The following LRP1B variants were observed in gnomAD, a reference collection of about 807,000 sequenced individuals.
LRP1B encodes the protein low-density lipoprotein receptor-related protein 1B.
LRP1B carries 217 observed loss-of-function variants against 556.6 expected under a neutral mutation model. The ratio of observed to expected loss-of-function variants is 0.39; its 90% CI spans 0.35 to 0.44. The LOEUF (loss-of-function observed/expected upper bound fraction) is 0.44. Ranked by LOEUF, LRP1B falls within the 20% of genes least tolerant of loss-of-function variation. The pLI is 1.00. For synonymous variants in LRP1B, 2,047 were observed against 1,865.8 expected (o/e 1.10, Z -2.50); for missense variants, 5,053 against 5,620.8 (o/e 0.90, Z 3.23).
chr2:140,431,045 T>C (rs1043664227), intron 66 of LRP1B, among the ~76,000 whole-genome samples: 2 of 152,178 alleles, frequency 1.3e-5, no homozygotes, highest in Non-Finnish European at 2.9e-5. Context: ...TTTCTTCCCT[T>C]CTGTCAGATA....
At chr2:140,732,533 G>A (rs2105502117) in intron 35 of LRP1B, among the ~76,000 whole-genome samples, 1 of 152,186 alleles carries the variant, frequency 6.6e-6, no homozygotes, top group East Asian at 1.9e-4. Flanking sequence ...GTATATATTA[G>A]AATTAATAAT....
At chr2:140,250,046 T>A (rs1025902220) in intron 86 of LRP1B, among the ~76,000 whole-genome samples, 2 of 151,884 alleles carry the variant, frequency 1.3e-5, no homozygotes, top group Non-Finnish European at 2.9e-5. Context: ...GTGCTGGTCA[T>A]CTTTAATCTG....
chr2:141,295,770 C>CACACACACACACACACACACAT (rs1159483173), intron 3 of LRP1B, among the ~76,000 whole-genome samples: 2 of 150,888 alleles, frequency 1.3e-5, no homozygotes, highest in East Asian at 3.9e-4. Flanking sequence ...CACACACACA[C>CACACACACACACACACACACAT]ACACACACAC....
chr2:141,028,475 T>G (rs1157002948), intron 11 of LRP1B, among the ~76,000 whole-genome samples: 1 of 151,980 alleles, frequency 6.6e-6, no homozygotes, highest in African/African-American at 2.4e-5. Context: ...AATCTAAAAT[T>G]TTTTATTAAA....
intron 82 of LRP1B, among the ~76,000 whole-genome samples, chr2:140,321,474 TAATAGC>T (rs1377394839): frequency 2.6e-5 from 4 of 151,992 alleles, no homozygotes; most frequent in African/African-American, 9.7e-5. Context: ...TTCTTTGTGG[TAATAGC>T]AGTAGTAGTA....
intron 23 of LRP1B, among the ~76,000 whole-genome samples, chr2:140,888,890 G>A (rs576337018): frequency 2.1e-4 from 31 of 150,346 alleles, no homozygotes; most frequent in Non-Finnish European, 3.7e-4. Flanking sequence ...TTGAACCTGG[G>A]AGGCAGAGGT....
intron 41 of LRP1B, among the ~76,000 whole-genome samples, chr2:140,616,564 G>A (rs1424065495): frequency 6.7e-6 from 1 of 149,370 alleles, no homozygotes; most frequent in Non-Finnish European, 1.5e-5. Flanking sequence ...GAGTCCATTT[G>A]GTACTGCACA....
intron 32 of LRP1B, among the ~76,000 whole-genome samples, chr2:140,803,883 C>CCCCAAAAAAAAA (rs1553536909): frequency 7.3e-6 from 1 of 136,630 alleles, no homozygotes; most frequent in Non-Finnish European, 1.6e-5. Context: ...CCAACCCCCC[C>CCCCAAAAAAAAA]AAAAAAAAGA....
chr2:141,079,930 T>C (rs1338332865), intron 7 of LRP1B, among the ~76,000 whole-genome samples: 1 of 152,254 alleles, frequency 6.6e-6, no homozygotes, highest in Non-Finnish European at 1.5e-5. Context: ...ATATAAATCA[T>C]GTCCAATTTT....
chr2:140,571,611 T>A (rs1482529042), intron 43 of LRP1B, among the ~76,000 whole-genome samples: 1 of 111,620 alleles, frequency 9.0e-6, no homozygotes, highest in Non-Finnish European at 1.8e-5. Flanking sequence ...ATGCAATCCC[T>A]ATCAAAATAC....
At chr2:141,236,752 A>G (rs1372881766) in intron 5 of LRP1B, among the ~76,000 whole-genome samples, 1 of 152,136 alleles carries the variant, frequency 6.6e-6, no homozygotes, top group Non-Finnish European at 1.5e-5. Flanking sequence ...GAGAATGGAA[A>G]AGATACCTTT....
intron 7 of LRP1B, among the ~76,000 whole-genome samples, chr2:141,146,027 C>T (rs1488913728): frequency 5.5e-5 from 8 of 145,270 alleles, no homozygotes; most frequent in South Asian, 2.2e-4. Flanking sequence ...TAAGTTCAAG[C>T]GATTCTCCTG....
At chr2:141,002,658 T>C (rs945217696) in intron 15 of LRP1B, among the ~76,000 whole-genome samples, 2 of 152,074 alleles carry the variant, frequency 1.3e-5, no homozygotes, top group East Asian at 1.9e-4. Context: ...GTGTAAGTGT[T>C]CAGTACAGAG....
chr2:141,469,618 A>G (rs947867352), intron 3 of LRP1B, among the ~76,000 whole-genome samples: 1 of 152,226 alleles, frequency 6.6e-6, no homozygotes, highest in African/African-American at 2.4e-5. Flanking sequence ...AGCCACAAAA[A>G]TAGTATTTTT....
chr2:141,039,495 G>A (rs1240957823), intron 11 of LRP1B, among the ~76,000 whole-genome samples: 1 of 151,934 alleles, frequency 6.6e-6, no homozygotes. Flanking sequence ...GATAAAGGGG[G>A]CTACTGTAGC....
At chr2:140,485,578 G>A (rs2105363498) in intron 58 of LRP1B, 54 bp from the exon 59 acceptor site, 1 of 1,282,808 alleles carries the variant, frequency 7.8e-7, no homozygotes, top group Non-Finnish European at 1.1e-6. Context: ...AATAAGAAGT[G>A]AGCAATTGCT....
rs117866921 is a variant in LRP1B, at chr2:141,347,688, G to T, written c.344-93047C>A. Among the ~76,000 whole-genome samples, 89 of 152,018 alleles carry T rather than the reference G, an allele frequency of 5.9e-4. No individual in the cohort carries two copies. In the East Asian group the frequency reaches 0.017, roughly 29 times the overall value. ...TTACTTTTCAGACAGATCAAAAAAA[G>T]TAGCAGTACCCTAGAATATCATAAC... is the stretch of plus-strand genomic sequence containing the variant. On this transcript the variant is annotated intron_variant, in intron 3 of 90. Coordinates refer to ENST00000389484, the MANE Select transcript of LRP1B (RefSeq NM_018557.3).
intron 1 of LRP1B, among the ~76,000 whole-genome samples, chr2:141,979,077 GAC>G (rs1574554795): frequency 6.6e-6 from 1 of 151,798 alleles, no homozygotes; most frequent in East Asian, 1.9e-4. Flanking sequence ...AAGTTATAAA[GAC>G]AATTATTTCC....
intron 1 of LRP1B, among the ~76,000 whole-genome samples, chr2:141,991,477 G>A (rs1228248187): frequency 6.6e-6 from 1 of 151,902 alleles, no homozygotes; most frequent in African/African-American, 2.4e-5. Context: ...GGTCAAAATA[G>A]TTCAATGTAA....
Sources: gnomAD v4.1 joint callset for allele counts (sites outside exome capture counted in the v4.1 genomes callset) on GRCh38, gnomAD v4.1.1 for gene constraint, MANE v1.5 for transcripts, NCBI Gene and HGNC (gene_info 2026-07-23, HGNC 2026-07-21) for gene names.